RBFOX1: variants seen among roughly 807,000 people sequenced by gnomAD.
The protein encoded by RBFOX1 is RNA binding protein fox-1 homolog 1.
A neutral mutation model predicts 57.7 loss-of-function variants in RBFOX1; 8 were observed. The ratio of observed to expected loss-of-function variants is 0.14; its 90% CI spans 0.08 to 0.25. The LOEUF is 0.25. Among genes scored for constraint, RBFOX1 ranks in the 10% least tolerant of loss-of-function variants. RBFOX1 has a pLI of 1.00. For missense variants in RBFOX1, 611 were observed against 548.5 expected, an observed-to-expected ratio of 1.11 and a Z score of -1.14; for synonymous variants, 326 against 222.4, an observed-to-expected ratio of 1.47 and a Z score of -4.15.
At chr16:6,210,337 C>CAA (rs1443054145) in intron 1 of RBFOX1, among the ~76,000 whole-genome samples, 1 of 9,318 alleles carries the variant, frequency 1.1e-4, no homozygotes, top group Non-Finnish European at 2.4e-4. Flanking sequence ...AACAAAAAAA[C>CAA]AAAAAAACAA....
chr16:7,082,246 C>G lies in RBFOX1; in HGVS notation c.27+30148C>G, dbSNP rs188744082. On this transcript the variant is annotated intron_variant, in intron 4 of 15. Coordinates refer to ENST00000550418, the MANE Select transcript of RBFOX1 (RefSeq NM_018723.4). ...TACCTTCTCAGGAGCTTCAGTTGTA[C>G]AGAATACATTGTCAAGTGATGTCCT... Among the ~76,000 whole-genome samples, 4 of 152,198 alleles carry G rather than the reference C, an allele frequency of 2.6e-5. No homozygotes were observed. In the East Asian group the frequency reaches 7.7e-4, roughly 29 times the overall value.
chr16:6,513,705 G>C (rs2096303585), intron 2 of RBFOX1, among the ~76,000 whole-genome samples: 1 of 152,114 alleles, frequency 6.6e-6, no homozygotes, highest in Admixed American at 6.5e-5. Flanking sequence ...TTGCACTCCA[G>C]CCTGGGGGAC....
chr16:6,439,535 A>G (rs767728446), intron 2 of RBFOX1, among the ~76,000 whole-genome samples: 102 of 152,206 alleles, frequency 6.7e-4, no homozygotes, highest in Non-Finnish European at 1.2e-3. Flanking sequence ...GAGCTGCCCC[A>G]GTCATCCAAC....
chr16:7,098,256 G>C (rs1232873903), intron 4 of RBFOX1, among the ~76,000 whole-genome samples: 1 of 152,128 alleles, frequency 6.6e-6, no homozygotes, highest in Non-Finnish European at 1.5e-5. Flanking sequence ...TACAACCTCC[G>C]CCTTCCTGGT....
chr16:6,001,356 A>G (rs1018523543), intron 4 of RBFOX1, among the ~76,000 whole-genome samples: 2 of 152,204 alleles, frequency 1.3e-5, no homozygotes, highest in Admixed American at 1.3e-4. Flanking sequence ...CTTTATTGCC[A>G]GTAAAGAAAC....
chr16:6,317,608 A>C (rs2081272086), intron 2 of RBFOX1, among the ~76,000 whole-genome samples: 2 of 152,200 alleles, frequency 1.3e-5, no homozygotes, highest in African/African-American at 4.8e-5. Context: ...ATTTGTTTTC[A>C]GCAAGTAAGC....
chr16:5,867,259 T>C, intron 3 of RBFOX1: 1 of 1,150,428 alleles, frequency 8.7e-7, no homozygotes, highest in Non-Finnish European at 1.1e-6. Flanking sequence ...CCAATTACCT[T>C]CTTGTTGAAT....
At chr16:6,422,867 C>A (rs933432788) in intron 2 of RBFOX1, among the ~76,000 whole-genome samples, 1 of 152,142 alleles carries the variant, frequency 6.6e-6, no homozygotes, top group African/African-American at 2.4e-5. Flanking sequence ...GAGATCCAAA[C>A]CATGTCAAAT....
In RBFOX1 at chr16:7,216,217, ATTG is replaced by A. The variant is rs1567744527; in HGVS notation, c.27+164121_27+164123del. 9.2e-5 allele frequency among the ~76,000 whole-genome samples: 14 copies of A among 152,258 alleles called. 1 individual carries two copies. The East Asian group carries it at 2.7e-3, about 29-fold the overall frequency. On this transcript the variant is annotated intron_variant, in intron 4 of 15. Coordinates refer to ENST00000550418, the MANE Select transcript of RBFOX1 (RefSeq NM_018723.4). ...ATTGGGTTGTTTCCACTTATTGGCTATTGTGAATCATGCCACTATCTGCATATT... is the reference window on the plus strand; with the variant it reads ...ATTGGGTTGTTTCCACTTATTGGCTATGAATCATGCCACTATCTGCATATT...
intron 4 of RBFOX1, among the ~76,000 whole-genome samples, chr16:7,094,772 GT>G (rs2151198869): frequency 1.4e-5 from 2 of 141,124 alleles, no homozygotes; most frequent in East Asian, 2.0e-4. Context: ...GTGTGTGTGT[GT>G]GTGGGTGTGT....
At chr16:6,931,788 T>A (rs893139476) in intron 3 of RBFOX1, among the ~76,000 whole-genome samples, 22 of 152,112 alleles carry the variant, frequency 1.4e-4, no homozygotes, top group African/African-American at 5.3e-4. Flanking sequence ...CTGGGTAATT[T>A]ATAAAGAAAA....
At chr16:7,101,840 G>T (rs917812012) in intron 4 of RBFOX1, among the ~76,000 whole-genome samples, 10 of 152,094 alleles carry the variant, frequency 6.6e-5, no homozygotes, top group African/African-American at 2.4e-4. Context: ...CAAGGCTCTT[G>T]TCTTTGTCTG....
chr16:5,796,397 A>G (rs1419166784), intron 3 of RBFOX1, among the ~76,000 whole-genome samples: 1 of 152,212 alleles, frequency 6.6e-6, no homozygotes, highest in East Asian at 1.9e-4. Flanking sequence ...ATCCACAGTG[A>G]TCAAGTATCC....
intron 3 of RBFOX1, among the ~76,000 whole-genome samples, chr16:6,876,388 G>A (rs1421900265): frequency 6.6e-6 from 1 of 151,328 alleles, no homozygotes; most frequent in Non-Finnish European, 1.5e-5. Flanking sequence ...CCCCTGAAAT[G>A]AGCCTATGTT....
At chr16:6,197,988 G>A (rs973062990) in intron 1 of RBFOX1, among the ~76,000 whole-genome samples, 2 of 152,090 alleles carry the variant, frequency 1.3e-5, no homozygotes, top group African/African-American at 4.8e-5. Context: ...TTCATTTGTG[G>A]CTTTTCTAAC....
intron 2 of RBFOX1, among the ~76,000 whole-genome samples, chr16:6,486,456 G>C (rs933897017): frequency 6.6e-6 from 1 of 152,040 alleles, no homozygotes; most frequent in African/African-American, 2.4e-5. Flanking sequence ...ATTAAACTTA[G>C]TTGTGTTTAG....
intron 3 of RBFOX1, among the ~76,000 whole-genome samples, chr16:5,834,483 T>G (rs887968613): frequency 6.6e-6 from 1 of 152,194 alleles, no homozygotes; most frequent in African/African-American, 2.4e-5. Context: ...TATACCACAT[T>G]TTTCTTTATC....
intron 1 of RBFOX1, among the ~76,000 whole-genome samples, chr16:6,306,234 T>C (rs969111402): frequency 2.0e-5 from 3 of 152,086 alleles, no homozygotes; most frequent in African/African-American, 7.2e-5. Flanking sequence ...CTGTCCTAGA[T>C]TTGCTGCAGA....
chr16:6,543,661 C>G (rs754755446), intron 2 of RBFOX1, among the ~76,000 whole-genome samples: 1 of 152,092 alleles, frequency 6.6e-6, no homozygotes, highest in Non-Finnish European at 1.5e-5. Flanking sequence ...TGGAAAGAGG[C>G]ACCTTGGCAG....
Sources: allele counts gnomAD v4.1 joint callset (sites outside exome capture counted in the v4.1 genomes callset), GRCh38; gene constraint gnomAD v4.1.1; transcripts MANE v1.5; gene names NCBI Gene and HGNC (gene_info 2026-07-23, HGNC 2026-07-21).